Variants in TTC22 observed in about 807,000 individuals in gnomAD.
TTC22 encodes the protein tetratricopeptide repeat domain 22, also known as tetratricopeptide repeat protein 22.
A neutral mutation model predicts 48.2 loss-of-function variants in TTC22; 42 were observed. That is an observed-to-expected ratio of 0.87 (90% CI 0.68 to 1.13). The LOEUF (loss-of-function observed/expected upper bound fraction) is 1.13. TTC22 is among the 50% of genes most tolerant of loss of function. The pLI, the probability that TTC22 is intolerant of heterozygous loss-of-function variation, is 0.00. For missense variants in TTC22, 784 were observed against 807.0 expected, an observed-to-expected ratio of 0.97 and a Z score of 0.34; for synonymous variants, 345 against 365.5, an observed-to-expected ratio of 0.94 and a Z score of 0.64.
intron 1 of TTC22, among the ~76,000 whole-genome samples, chr1:54,793,378 T>C (rs1166482417): frequency 1.3e-5 from 2 of 152,130 alleles, no homozygotes; most frequent in Non-Finnish European, 2.9e-5. Flanking sequence ...TTTCCTCATA[T>C]TAGGGATGGG....
chr1:54,800,860 C>T lies in TTC22; in HGVS notation c.304G>A (p.Ala102Thr), dbSNP rs140762123. 1 of 1,610,130 alleles carries T rather than the reference C, an allele frequency of 6.2e-7. No homozygotes were observed. The highest frequency in any genetic ancestry group is 8.5e-7 in the Non-Finnish European group (1 of 1,179,096). The change falls in exon 1 of 7, where the codon GCC (alanine) becomes ACC (threonine). Residue 102 changes from alanine to threonine, a missense_variant. Physicochemically the swap from Ala to Thr is moderately conservative, Grantham distance 58 (BLOSUM62 0). Coordinates refer to ENST00000371276, the MANE Select transcript of TTC22 (RefSeq NM_001114108.2). ...VAHEHPGNLN[A>T]WANLAHVYGR... is the part of the protein sequence containing the mutation. ...TACACGTGTGCCAGATTGGCCCAGG[C>T]ATTGAGGTTGCCCGGGTGCTCGTGG...
intron 5 of TTC22, chr1:54,784,761 G>T: frequency 7.7e-7 from 1 of 1,295,568 alleles, no homozygotes; most frequent in Non-Finnish European, 1.0e-6. Context: ...GAAGATGAGG[G>T]GATGGGAGGA....
At chr1:54,787,958 A>G in intron 2 of TTC22, 84 bp downstream of exon 2, 1 of 1,504,396 alleles carries the variant, frequency 6.6e-7, no homozygotes, top group South Asian at 1.1e-5. Context: ...GGGCCCAGCC[A>G]CCTCTGCCCT....
chr1:54,800,611 C>A lies in TTC22; in HGVS notation c.553G>T (p.Gly185Cys). The A allele has an allele frequency of 1.3e-6, 2 of 1,539,780 alleles. No homozygotes were observed. Among genetic ancestry groups the A allele is most frequent in the Non-Finnish European group, 8.6e-7 (1 of 1,156,190 alleles). ...AGIALYDKAL[G>C]YGQQIPMEEK... is the part of the protein sequence containing the mutation. ...GGGTCACCTACCTGCTGCCCGTAGC[C>A]TAGCGCCTTGTCGTAGAGCGCGATG... Residue 185 changes from glycine (G) to cysteine (C), a missense_variant, in exon 1 of 7, where the codon GGC (glycine) becomes TGC (cysteine). Coordinates refer to ENST00000371276, the MANE Select transcript of TTC22 (RefSeq NM_001114108.2).
chr1:54,781,836 C>T, intron 6 of TTC22, 57 bp from the exon 7 acceptor site: 1 of 1,361,160 alleles, frequency 7.3e-7, no homozygotes, highest in Non-Finnish European at 9.5e-7. Context: ...CACGCTCATT[C>T]CCGCCCCACG....
In TTC22 at chr1:54,786,938, T is replaced by G. The variant is rs753714652; in HGVS notation, c.858+19A>C. ...GCTCCTTCTCAGTTTAGAGGGTGGGTGTGGCTGGGGGCAAGTACCTTGCCG... is the reference window on the plus strand; with the variant it reads ...GCTCCTTCTCAGTTTAGAGGGTGGGGGTGGCTGGGGGCAAGTACCTTGCCG... On this transcript the variant is annotated intron_variant, in intron 4 of 6. Coordinates refer to ENST00000371276, the MANE Select transcript of TTC22 (RefSeq NM_001114108.2). 2.3e-6 allele frequency: 3 copies of G among 1,318,298 alleles called. No individual in the cohort carries two copies. The highest frequency in any genetic ancestry group is 3.0e-5 in the African/African-American group (2 of 67,120). 81.7% of individuals were successfully genotyped at this position (1,318,298 alleles called of 1,614,324 possible). A position where few individuals can be genotyped will look rare whatever the true frequency, so the allele number is the denominator to read the frequency against.
Position 54,781,628 on chromosome 1 carries a change from A to C in TTC22, c.1325T>G (p.Leu442Arg). Residue 442 changes from leucine (L) to arginine (R), a missense_variant, in exon 7 of 7, where the codon CTG becomes CGG. Leu to Arg is a moderately radical substitution (Grantham distance 102, BLOSUM62 -2). Coordinates refer to ENST00000371276, the MANE Select transcript of TTC22 (RefSeq NM_001114108.2). ...GTTGGCGTCCTCGCCCTTGATGCGCAGGCACTTGCCGCGCAGCAGCTGCAG... is the reference window on the plus strand; with the variant it reads ...GTTGGCGTCCTCGCCCTTGATGCGCCGGCACTTGCCGCGCAGCAGCTGCAG... ...PELQLLRGKCLRIKGEDANAA... is the reference protein window; with the variant it reads ...PELQLLRGKCRRIKGEDANAA... The C allele has an allele frequency of 6.5e-7, 1 of 1,530,428 alleles. No individual in the cohort carries two copies. The highest frequency in any genetic ancestry group is 2.5e-5 in the East Asian group (1 of 40,482). The allele number at this position is 1,530,428 out of a possible 1,614,324, so 94.8% of individuals were successfully genotyped here.
chr1:54,781,367 A>G lies in TTC22; in HGVS notation c.1586T>C (p.Leu529Ser), dbSNP rs1646260350. ...GGCCACCAGGGCCCGGGCCAGCCCC[A>G]ACACCTCGTCCGTGTGCCCGCGCCA... ...RVWRGHTDEV[L>S]GLARALVAQG... Residue 529 changes from leucine (L) to serine (S), a missense_variant, in exon 7 of 7, where the codon TTG (leucine) becomes TCG (serine). Physicochemically the swap from Leu to Ser is moderately radical, Grantham distance 145. Transcript: ENST00000371276. 2.2e-6 allele frequency: 3 copies of G among 1,395,070 alleles called. No individual in the cohort carries two copies. Among genetic ancestry groups the G allele is most frequent in the Non-Finnish European group, 2.8e-6 (3 of 1,086,602 alleles). The allele number at this position is 1,395,070 out of a possible 1,614,324, so 86.4% of individuals were successfully genotyped here.
Position 54,781,389 on chromosome 1 carries a change from G to T in TTC22, c.1564C>A (p.Arg522Ser). The T allele has an allele frequency of 2.9e-6, 4 of 1,384,188 alleles. No individual in the cohort carries two copies. Among genetic ancestry groups the T allele is most frequent in the Non-Finnish European group, 3.7e-6 (4 of 1,079,864 alleles). 85.7% of individuals were successfully genotyped at this position (1,384,188 alleles called of 1,614,324 possible). A position where few individuals can be genotyped will look rare whatever the true frequency, so the allele number is the denominator to read the frequency against. ...RLRQELQRVW[R>S]GHTDEVLGLA... ...CCCAACACCTCGTCCGTGTGCCCGC[G>T]CCACACGCGCTGCAGCTCCTGGCGC... The change falls in exon 7 of 7, where the codon CGC becomes AGC. Residue 522 changes from arginine to serine, a missense_variant. By Grantham distance (110) the Arg-to-Ser change is moderately radical (BLOSUM62 -1). Coordinates refer to ENST00000371276, the MANE Select transcript of TTC22 (RefSeq NM_001114108.2).
chr1:54,784,588 T>A, intron 5 of TTC22: 1 of 1,029,918 alleles, frequency 9.7e-7, no homozygotes, highest in Non-Finnish European at 1.2e-6. Flanking sequence ...AGATATTTTA[T>A]TATTTACTAT....
chr1:54,800,699 G>A lies in TTC22; in HGVS notation c.465C>T (p.Tyr155=), dbSNP rs1570124015. The change falls in exon 1 of 7, where the codon TAC becomes TAT. Residue 155 remains tyrosine (Y), a synonymous_variant. Transcript: ENST00000371276. ...CGCAGCCGACGTCGAAGCCATGCGC[G>A]TAGCCCTGCTCGGCCAGGCAGCGAG... ...RAARCLAEQG[Y]AHGFDVGCAS... is the part of the protein sequence containing the mutation. The A allele has an allele frequency of 1.9e-6, 3 of 1,549,732 alleles. No individual in the cohort carries two copies. Among genetic ancestry groups the A allele is most frequent in the African/African-American group, 1.4e-5 (1 of 73,186 alleles).
chr1:54,794,052 A>G (rs1646372612), intron 1 of TTC22, among the ~76,000 whole-genome samples: 1 of 152,252 alleles, frequency 6.6e-6, no homozygotes, highest in African/African-American at 2.4e-5. Flanking sequence ...GTGGGAGCCC[A>G]GCAACCTGTG....
intron 3 of TTC22, 104 bp downstream of exon 3, chr1:54,787,607 A>G: frequency 1.2e-6 from 1 of 832,886 alleles, no homozygotes; most frequent in Non-Finnish European, 2.0e-6. Context: ...AGGAGGAAGA[A>G]ACAGGAGCCA....
At chr1:54,783,826 T>C (rs1646280732) in intron 5 of TTC22, among the ~76,000 whole-genome samples, 2 of 152,178 alleles carry the variant, frequency 1.3e-5, no homozygotes, top group South Asian at 4.1e-4. Flanking sequence ...ACCCTGTATC[T>C]ACAACAAATA....
At chr1:54,784,580 ATATTT>A in intron 5 of TTC22, 1 of 1,029,176 alleles carries the variant, frequency 9.7e-7, no homozygotes, top group Non-Finnish European at 1.2e-6. Context: ...TTTTATAGAG[ATATTT>A]TATTATTTAC....
Position 54,800,866 on chromosome 1 carries a change from G to A in TTC22, c.298C>T (p.Leu100Phe). ...TGTGCCAGATTGGCCCAGGCATTGA[G>A]GTTGCCCGGGTGCTCGTGGGCCACC... ...LEVAHEHPGN[L>F]NAWANLAHVY... The change falls in exon 1 of 7, where the codon CTC becomes TTC. Residue 100 changes from leucine to phenylalanine, a missense_variant. Coordinates refer to ENST00000371276, the MANE Select transcript of TTC22 (RefSeq NM_001114108.2). The A allele has an allele frequency of 6.2e-7, 1 of 1,610,306 alleles. No homozygotes were observed. The highest frequency in any genetic ancestry group is 8.5e-7 in the Non-Finnish European group (1 of 1,179,190).
chr1:54,791,582 C>T (rs1260447619), intron 1 of TTC22, among the ~76,000 whole-genome samples: 1 of 152,034 alleles, frequency 6.6e-6, no homozygotes, highest in African/African-American at 2.4e-5. Context: ...TTTCAGTGCC[C>T]GATGAGGCAA....
intron 1 of TTC22, among the ~76,000 whole-genome samples, chr1:54,790,421 G>T (rs148097415): frequency 6.6e-6 from 1 of 152,210 alleles, no homozygotes. Flanking sequence ...GCCAAGATCC[G>T]ACGGATGTGT....
Position 54,781,297 on chromosome 1 carries a change from C to G in TTC22, c.1656G>C (p.Glu552Asp), listed in dbSNP as rs1267254764. ...GCGCGCTGGCGCCCTCGCCCTCGCG[C>G]TCCATGGTCTCGAAGAGCAGCCGCA... ...ALVRLLFETM[E>D]REGEGASAPR... The change falls in exon 7 of 7, where the codon GAG becomes GAC. Residue 552 changes from glutamate to aspartate, a missense_variant. Physicochemically the swap from Glu to Asp is conservative, Grantham distance 45 (BLOSUM62 2). Transcript: ENST00000371276. 3.4e-6 allele frequency: 5 copies of G among 1,474,556 alleles called. No homozygotes were observed. The highest frequency in any genetic ancestry group is 4.5e-6 in the Non-Finnish European group (5 of 1,121,230). 91.3% of individuals were successfully genotyped at this position (1,474,556 alleles called of 1,614,324 possible). A position where few individuals can be genotyped will look rare whatever the true frequency, so the allele number is the denominator to read the frequency against.
Sources: gnomAD v4.1 joint callset for allele counts (sites outside exome capture counted in the v4.1 genomes callset) on GRCh38, gnomAD v4.1.1 for gene constraint, MANE v1.5 for transcripts, NCBI Gene and HGNC (gene_info 2026-07-23, HGNC 2026-07-21) for gene names.